The following LAMB2 variants were observed in gnomAD, a reference collection of about 807,000 sequenced individuals.
LAMB2 encodes the protein laminin subunit beta 2, also known as laminin subunit beta-2.
In LAMB2, 119 loss-of-function variants were observed where a neutral mutation model predicts 202.7. That is an observed-to-expected ratio of 0.59 (90% CI 0.51 to 0.68). The LOEUF (loss-of-function observed/expected upper bound fraction) is 0.68. Ranked by LOEUF, LAMB2 falls within the 30% of genes least tolerant of loss-of-function variation. LAMB2 has a pLI of 0.00. For synonymous variants in LAMB2, 818 were observed against 902.2 expected (o/e 0.91, Z 1.67); for missense variants, 2,124 against 2,410.6 (o/e 0.88, Z 2.49).
rs1383027711 is a variant in LAMB2 at position 49,128,823 on chromosome 3, G to A, written c.1732-4C>T. 1.2e-6 allele frequency: 2 copies of A among 1,611,570 alleles called. No homozygotes were observed. Among genetic ancestry groups the A allele is most frequent in the East Asian group, 2.2e-5 (1 of 44,820 alleles). On this transcript the variant is annotated splice_region_variant and splice_polypyrimidine_tract_variant and intron_variant, in intron 13 of 31. Transcript: ENST00000305544. ...GGCGCTCCACCACATCGAGCACCTGGGAGATAATGCAGCCAGGGATGGAGG... is the reference window on the plus strand; with the variant it reads ...GGCGCTCCACCACATCGAGCACCTGAGAGATAATGCAGCCAGGGATGGAGG...
At position 49,129,470 on chromosome 3, in the gene LAMB2, C is replaced by T; in HGVS notation, c.1518+134G>A. 1 of 1,088,386 alleles carries T rather than the reference C, an allele frequency of 9.2e-7. No individual in the cohort carries two copies. 67.4% of individuals were successfully genotyped at this position (1,088,386 alleles called of 1,614,324 possible). A position where few individuals can be genotyped will look rare whatever the true frequency, so the allele number is the denominator to read the frequency against. On this transcript the variant is annotated intron_variant, in intron 11 of 31. Coordinates refer to ENST00000305544, the MANE Select transcript of LAMB2 (RefSeq NM_002292.4). The surrounding 1 kb of genome is among the most constrained non-coding windows in gnomAD (Gnocchi z 6.1). ...ACCACTGGCCCACATCCTTGGCCTC[C>T]CAGACCTGAGGCTTCTCAGCCAGGA...
intron 27 of LAMB2, 96 bp downstream of exon 27, chr3:49,122,608 T>A: frequency 3.7e-6 from 4 of 1,091,690 alleles, no homozygotes; most frequent in Non-Finnish European, 5.7e-6. Context: ...TAATCCAGTG[T>A]AGTCCCTGAG....
Position 49,131,074 on chromosome 3 carries a change from C to T in LAMB2, c.791G>A (p.Arg264Lys). ...ATAGTAGTACTTCTCTCGGATCTCC[C>T]TCCGTGGGTCGAGTAGGTTGTCTCC... ...TLGDNLLDPRREIREKYYYAL... is the reference protein window; with the variant it reads ...TLGDNLLDPRKEIREKYYYAL... The change falls in exon 7 of 32, where the codon AGG becomes AAG. Residue 264 changes from arginine to lysine, a missense_variant. Coordinates refer to ENST00000305544, the MANE Select transcript of LAMB2 (RefSeq NM_002292.4). The surrounding 1 kb of genome is among the most constrained non-coding windows in gnomAD (Gnocchi z 5.0). The T allele has an allele frequency of 6.2e-7, 1 of 1,613,850 alleles. No homozygotes were observed. The highest frequency in any genetic ancestry group is 8.5e-7 in the Non-Finnish European group (1 of 1,180,036).
In LAMB2 at chr3:49,124,262, C is replaced by T; in HGVS notation, c.3352G>A (p.Ala1118Thr). Reference sequence around the variant, plus strand: ...GAACAAGTCCGCCCTCCAAAGCCGGCACGGCAGTGGCACTGCCCTGTGAAC... The same window carrying T: ...GAACAAGTCCGCCCTCCAAAGCCGGTACGGCAGTGGCACTGCCCTGTGAAC... ...NEFTGQCHCR[A>T]GFGGRTCSEC... Residue 1118 changes from alanine (A) to threonine (T), a missense_variant, in exon 23 of 32, where the codon GCC (alanine) becomes ACC (threonine). Transcript: ENST00000305544. 1 of 1,613,920 alleles carries T rather than the reference C, an allele frequency of 6.2e-7. No individual in the cohort carries two copies. Among genetic ancestry groups the T allele is most frequent in the Non-Finnish European group, 8.5e-7 (1 of 1,179,940 alleles).
At position 49,131,479 on chromosome 3, in the gene LAMB2, T is replaced by C; in HGVS notation, c.649-37A>G. 4.3e-6 allele frequency: 7 copies of C among 1,613,760 alleles called. No individual in the cohort carries two copies. The highest frequency in any genetic ancestry group is 5.9e-6 in the Non-Finnish European group (7 of 1,179,736). On this transcript the variant is annotated intron_variant, in intron 5 of 31. Transcript: ENST00000305544. This position sits in a 1 kb window ranked among gnomAD's most constrained non-coding sequence, Gnocchi z 5.0. ...GGGAGTTCATAGTCACACTGGACCT[T>C]GCCTCAGGCCCATCATCCCCAGCTT...
chr3:49,125,341 C>T lies in LAMB2; in HGVS notation c.2632G>A (p.Val878Ile), dbSNP rs1246217536. Residue 878 changes from valine (V) to isoleucine (I), a missense_variant, in exon 19 of 32, where the codon GTC becomes ATC. Coordinates refer to ENST00000305544, the MANE Select transcript of LAMB2 (RefSeq NM_002292.4). The part of the protein sequence containing the change: ...QWGFPSCRPC[V>I]CNGHADECNT... ...CACTCATCTGCATGCCCATTGCAGA[C>T]ACATGGCCGGCAGCTAGGGAATCCC... 1.2e-6 allele frequency: 2 copies of T among 1,613,978 alleles called. No homozygotes were observed. The highest frequency in any genetic ancestry group is 1.7e-6 in the Non-Finnish European group (2 of 1,180,056).
Position 49,131,701 on chromosome 3 carries a change from A to G in LAMB2, c.482T>C (p.Leu161Pro). Residue 161 changes from leucine (L) to proline (P), a missense_variant, in exon 5 of 32, where the codon CTG becomes CCG. Transcript: ENST00000305544. This position sits in a 1 kb window ranked among gnomAD's most constrained non-coding sequence, Gnocchi z 5.0. ...TFKTFRPAAM[L>P]VERSADFGRT... ...GCCAAAGTCTGCTGAGCGTTCCACC[A>G]GCATGGCAGCAGGGCGAAATGTCTG... 1.2e-6 allele frequency: 2 copies of G among 1,613,482 alleles called. No homozygotes were observed. The highest frequency in any genetic ancestry group is 1.7e-6 in the Non-Finnish European group (2 of 1,180,042).
Position 49,130,060 on chromosome 3 carries a change from A to G in LAMB2, c.1226-42T>C. 1 of 1,603,736 alleles carries G rather than the reference A, an allele frequency of 6.2e-7. No individual in the cohort carries two copies. Among genetic ancestry groups the G allele is most frequent in the Non-Finnish European group, 8.5e-7 (1 of 1,171,150 alleles). ...ATACAGGGTCACTCACCCTATCTCAACTAGCTCACTGCCAGTCCTCTCCTA... is the reference window on the plus strand; with the variant it reads ...ATACAGGGTCACTCACCCTATCTCAGCTAGCTCACTGCCAGTCCTCTCCTA... On this transcript the variant is annotated intron_variant, in intron 9 of 31. Transcript: ENST00000305544. The surrounding 1 kb of genome is among the most constrained non-coding windows in gnomAD (Gnocchi z 5.0).
At position 49,130,336 on chromosome 3, in the gene LAMB2, A is replaced by G. The variant is rs776386713; in HGVS notation, c.1120T>C (p.Cys374Arg). The change falls in exon 9 of 32, where the codon TGT (cysteine) becomes CGT (arginine). Residue 374 changes from cysteine to arginine, a missense_variant. Cys to Arg is a radical substitution (Grantham distance 180). Around this residue, in one of 3 missense-constraint regions of LAMB2, gnomAD observed 256 missense variants for 356.1 expected, o/e 0.72. Transcript: ENST00000305544. This position sits in a 1 kb window ranked among gnomAD's most constrained non-coding sequence, Gnocchi z 5.0. ...GCTGTGTTATGCTGACATCCATCAC[A>G]CACACCTCCACTCACATTGCCAGAT... is the stretch of plus-strand genomic sequence containing the variant. The part of the protein sequence containing the change: ...LASGNVSGGV[C>R]DGCQHNTAGR... 6.2e-7 allele frequency: 1 copy of G among 1,614,006 alleles called. No individual in the cohort carries two copies. The highest frequency in any genetic ancestry group is 8.5e-7 in the Non-Finnish European group (1 of 1,180,040).
rs376290063 is a variant in LAMB2, at chr3:49,125,299, C to T, written c.2674G>A (p.Ala892Thr). 11 of 1,613,942 alleles carry T rather than the reference C, an allele frequency of 6.8e-6. No homozygotes were observed. The highest frequency in any genetic ancestry group is 2.2e-5 in the East Asian group (1 of 44,884). Residue 892 changes from alanine (A) to threonine (T), a missense_variant, in exon 19 of 32, where the codon GCT (alanine) becomes ACT (threonine). Physicochemically the swap from Ala to Thr is moderately conservative, Grantham distance 58 (BLOSUM62 0). Transcript: ENST00000305544. ...GTGTGATCACGGCAGCCCAGGCAAG[C>T]GCCTGTGTGGGTGTTGCACTCATCT... Reference protein sequence around the residue: ...HADECNTHTGACLGCRDHTGG... With the variant: ...HADECNTHTGTCLGCRDHTGG...
At chr3:49,127,574 G>A (rs1384875167) in intron 15 of LAMB2, among the ~76,000 whole-genome samples, 5 of 150,080 alleles carry the variant, frequency 3.3e-5, no homozygotes, top group Non-Finnish European at 5.9e-5. Context: ...GGGTGCCTGT[G>A]GTCCCAGCTA....
chr3:49,123,645 GA>G lies in LAMB2; in HGVS notation c.3798-15del. 3 of 1,614,106 alleles carry G rather than the reference GA, an allele frequency of 1.9e-6. No homozygotes were observed. Among genetic ancestry groups the G allele is most frequent in the Admixed American group, 1.7e-5 (1 of 60,030 alleles). ...CCAATTTCACGCCTGCAATGATGGA[GA>G]GGGGGGTGTTTAGAGAGGCTTCAGC... is the stretch of plus-strand genomic sequence containing the variant. On this transcript the variant is annotated splice_polypyrimidine_tract_variant and intron_variant, in intron 24 of 31. Coordinates refer to ENST00000305544, the MANE Select transcript of LAMB2 (RefSeq NM_002292.4).
At position 49,132,792 on chromosome 3, in the gene LAMB2, C is replaced by T. The variant is rs1420222075; in HGVS notation, c.76G>A (p.Val26Met). The T allele has an allele frequency of 6.2e-7, 1 of 1,614,148 alleles. No individual in the cohort carries two copies. The highest frequency in any genetic ancestry group is 1.1e-5 in the South Asian group (1 of 91,078). ...CCCAGCCCCCACCAGGCCCTCTCAC[C>T]GCTTAGCAGTAGGCCCAGTCGAAGT... ...WELRLGLLLS[V>M]LAATLAQAPA... Residue 26 changes from valine to methionine, a missense_variant and splice_region_variant, in exon 1 of 32, where the codon GTG becomes ATG. Val to Met is a conservative substitution (Grantham distance 21). Coordinates refer to ENST00000305544, the MANE Select transcript of LAMB2 (RefSeq NM_002292.4). This position sits in a 1 kb window ranked among gnomAD's most constrained non-coding sequence, Gnocchi z 4.6.
chr3:49,121,500 T>C lies in LAMB2; in HGVS notation c.5193A>G (p.Ala1731=), dbSNP rs1329325272. The change falls in exon 31 of 32, where the codon GCA becomes GCG. Residue 1731 remains alanine, a synonymous_variant. Coordinates refer to ENST00000305544, the MANE Select transcript of LAMB2 (RefSeq NM_002292.4). ...AQGVLAAQAR[A]EQLRDEARDL... is the part of the protein sequence containing the mutation. Reference sequence around the variant, plus strand: ...CCCGAGCCTCATCCCGCAGTTGTTCTGCCCTTGCCTGTGCAGCCAGCACAC... The same window carrying C: ...CCCGAGCCTCATCCCGCAGTTGTTCCGCCCTTGCCTGTGCAGCCAGCACAC... The C allele has an allele frequency of 1.2e-6, 2 of 1,614,088 alleles. No individual in the cohort carries two copies. Among genetic ancestry groups the C allele is most frequent in the East Asian group, 2.2e-5 (1 of 44,880 alleles).
rs2045416945 is a variant in LAMB2 at position 49,126,489 on chromosome 3, A to C, written c.2027T>G (p.Ile676Arg). 6.2e-7 allele frequency: 1 copy of C among 1,613,950 alleles called. No homozygotes were observed. The highest frequency in any genetic ancestry group is 1.7e-5 in the Admixed American group (1 of 59,998). The change falls in exon 16 of 32, where the codon ATA (isoleucine) becomes AGA (arginine). Residue 676 changes from isoleucine (I) to arginine (R), a missense_variant. Ile to Arg is a moderately conservative substitution (Grantham distance 97). Around this residue, in one of 3 missense-constraint regions of LAMB2, gnomAD observed 1,702 missense variants for 1,896.3 expected, o/e 0.90. Coordinates refer to ENST00000305544, the MANE Select transcript of LAMB2 (RefSeq NM_002292.4). ...GTLQPHARYLIFPNPVCLEPG... is the reference protein window; with the variant it reads ...GTLQPHARYLRFPNPVCLEPG... ...CTCAAGGCAGACAGGATTAGGAAAT[A>C]TCAAGTACCTGGGGGCGAGTGGGGA...
In LAMB2 at chr3:49,132,439, G is replaced by A. The variant is rs374531181; in HGVS notation, c.250-34C>T. 6 of 1,614,096 alleles carry A rather than the reference G, an allele frequency of 3.7e-6. No homozygotes were observed. The highest frequency in any genetic ancestry group is 3.3e-5 in the Admixed American group (2 of 60,006). On this transcript the variant is annotated intron_variant, in intron 2 of 31. Coordinates refer to ENST00000305544, the MANE Select transcript of LAMB2 (RefSeq NM_002292.4). This position sits in a 1 kb window ranked among gnomAD's most constrained non-coding sequence, Gnocchi z 4.6. ...GATGGGGATTAGAATCAGTGCCTCAGGCAGTGCCAGCCCCACCCTGACTCG... is the reference window on the plus strand; with the variant it reads ...GATGGGGATTAGAATCAGTGCCTCAAGCAGTGCCAGCCCCACCCTGACTCG...
At position 49,129,578 on chromosome 3, in the gene LAMB2, A is replaced by G; in HGVS notation, c.1518+26T>C. 6.4e-7 allele frequency: 1 copy of G among 1,572,006 alleles called. No homozygotes were observed. Among genetic ancestry groups the G allele is most frequent in the Non-Finnish European group, 8.8e-7 (1 of 1,142,146 alleles). On this transcript the variant is annotated intron_variant, in intron 11 of 31. Coordinates refer to ENST00000305544, the MANE Select transcript of LAMB2 (RefSeq NM_002292.4). The surrounding 1 kb of genome is among the most constrained non-coding windows in gnomAD (Gnocchi z 6.1). ...TGCTCTAAGGACAAATCATGCCCCTAGAACTCCAGCCCCTTCCAGTCGCAC... is the reference window on the plus strand; with the variant it reads ...TGCTCTAAGGACAAATCATGCCCCTGGAACTCCAGCCCCTTCCAGTCGCAC...
chr3:49,121,832 C>T lies in LAMB2; in HGVS notation c.4952G>A (p.Arg1651Gln), dbSNP rs142896683. The change falls in exon 30 of 32, where the codon CGG becomes CAG. Residue 1651 changes from arginine to glutamine, a missense_variant. Coordinates refer to ENST00000305544, the MANE Select transcript of LAMB2 (RefSeq NM_002292.4). ...CCTTTCACCTGCAGAGCTCAGTGCC[C>T]GCTCTGCACCTGCCATCCTCTCCTG... ...QVQERMAGAE[R>Q]ALSSAGERAR... 240 of 1,612,884 alleles carry T rather than the reference C, an allele frequency of 1.5e-4. 1 individual carries two copies. Among genetic ancestry groups the T allele is most frequent in the Non-Finnish European group, 1.5e-4 (176 of 1,180,014 alleles).
In LAMB2 at chr3:49,131,543, C is replaced by CAG; in HGVS notation, c.638_639dup (p.Glu214LeufsTer28). ...CAGATGCCAGCCCTCACCTCGCCTT[C>CAG]AGTGGATGGCTCAATCTCTGAGTAG... On this transcript the variant is annotated frameshift_variant, in exon 5 of 32. Coordinates refer to ENST00000305544, the MANE Select transcript of LAMB2 (RefSeq NM_002292.4). LOFTEE classifies it high-confidence loss of function. The surrounding 1 kb of genome is among the most constrained non-coding windows in gnomAD (Gnocchi z 5.0). 1.2e-6 allele frequency: 2 copies of CAG among 1,614,044 alleles called. No homozygotes were observed. The highest frequency in any genetic ancestry group is 8.5e-7 in the Non-Finnish European group (1 of 1,180,038).
Sources: allele counts gnomAD v4.1 joint callset (sites outside exome capture counted in the v4.1 genomes callset), GRCh38; gene constraint gnomAD v4.1.1; regional missense constraint gnomAD v4.1.1; non-coding constraint Gnocchi (gnomAD v3.1); transcripts MANE v1.5; gene names NCBI Gene and HGNC (gene_info 2026-07-23, HGNC 2026-07-21).